Variants in SMARCD1 observed in about 807,000 individuals in gnomAD.
SMARCD1 encodes the protein SWI/SNF-related matrix-associated actin-dependent regulator of chromatin subfamily D member 1.
Under a neutral mutation model 70.8 loss-of-function variants are expected in SMARCD1, and 16 were observed. The ratio of observed to expected loss-of-function variants is 0.23; its 90% confidence interval spans 0.15 to 0.34. The LOEUF is 0.34. SMARCD1 is among the 10% of genes least tolerant of loss of function. SMARCD1 has a pLI of 1.00. For synonymous variants in SMARCD1, 249 were observed against 246.0 expected (o/e 1.01, Z -0.11); for missense variants, 409 against 655.5 (o/e 0.62, Z 4.11).
intron 2 of SMARCD1, 52 bp from the exon 3 acceptor site, chr12:50,086,569 C>T (rs1950793230): frequency 1.3e-6 from 2 of 1,571,368 alleles, no homozygotes; most frequent in African/African-American, 1.4e-5. Context: ...AGCTTATTTT[C>T]ACGTTCTGAC....
chr12:50,088,752 C>T lies in SMARCD1; in HGVS notation c.771+115C>T, dbSNP rs1592288155. ...ATAAAGTAGTCACTCTAGGTGTACACAGTACCGCTCCAGGTGTACAGTTTG... is the reference window on the plus strand; with the variant it reads ...ATAAAGTAGTCACTCTAGGTGTACATAGTACCGCTCCAGGTGTACAGTTTG... On this transcript the variant is annotated intron_variant, in intron 6 of 12. Transcript: ENST00000394963. 3.2e-5 allele frequency: 17 copies of T among 535,510 alleles called. No individual in the cohort carries two copies. The East Asian group carries it at 4.9e-4, about 15-fold the overall frequency. 33.2% of individuals were successfully genotyped at this position (535,510 alleles called of 1,614,324 possible).
At chr12:50,085,757 G>A (rs1455623473) in intron 1 of SMARCD1, 1 of 428,150 alleles carries the variant, frequency 2.3e-6, no homozygotes, top group African/African-American at 2.0e-5. Context: ...AGTCGGTAGA[G>A]AACCTGGGTG....
rs776730800 is a variant in SMARCD1 at position 50,098,835 on chromosome 12, G to A, written c.1494+20G>A. 9.3e-6 allele frequency: 15 copies of A among 1,609,496 alleles called. No individual in the cohort carries two copies. The highest frequency in any genetic ancestry group is 6.7e-5 in the African/African-American group (5 of 74,862). On this transcript the variant is annotated intron_variant, in intron 12 of 12. Transcript: ENST00000394963. Reference sequence around the variant, plus strand: ...TCCAAGGTAAGTACATGGGGTGCACGGGGGAAATTGACAAAAGGCACGGGG... The same window carrying A: ...TCCAAGGTAAGTACATGGGGTGCACAGGGGAAATTGACAAAAGGCACGGGG...
intron 11 of SMARCD1, chr12:50,098,375 T>G: frequency 3.1e-6 from 1 of 319,896 alleles, no homozygotes; most frequent in South Asian, 3.2e-5. Context: ...TGTGCATCTC[T>G]CAGCTTCTGG....
In SMARCD1 at chr12:50,089,950, G is replaced by T; in HGVS notation, c.838G>T (p.Val280Leu). The change falls in exon 7 of 13, where the codon GTA (valine) becomes TTA (leucine). Residue 280 changes from valine (V) to leucine (L), a missense_variant. Transcript: ENST00000394963. Reference protein sequence around the residue: ...FQVKRPGDVNVRCTVLLMLDY... With the variant: ...FQVKRPGDVNLRCTVLLMLDY... ...GGTGAAGCGGCCGGGAGACGTGAAT[G>T]TACGGTGTACTGTCCTACTGATGCT... The T allele has an allele frequency of 1.2e-6, 2 of 1,614,114 alleles. No individual in the cohort carries two copies. The highest frequency in any genetic ancestry group is 1.3e-5 in the African/African-American group (1 of 75,032).
At chr12:50,090,973 C>T (rs1250695861) in intron 9 of SMARCD1, among the ~76,000 whole-genome samples, 3 of 151,664 alleles carry the variant, frequency 2.0e-5, no homozygotes, top group Non-Finnish European at 4.4e-5. Flanking sequence ...TACAGGCACC[C>T]GTCACCACAC....
In SMARCD1 at chr12:50,099,575, C is replaced by T. The variant is rs886571864; in HGVS notation, c.*575C>T. On this transcript the variant is annotated 3_prime_UTR_variant, in exon 13 of 13. Transcript: ENST00000394963. ...CTCCACTGAGCCCCAGGTCAGTCCC[C>T]AGCCCTCTGGGTTGGCCTGCTGTCA... 10 of 371,354 alleles carry T rather than the reference C, an allele frequency of 2.7e-5. No homozygotes were observed. Among genetic ancestry groups the T allele is most frequent in the African/African-American group, 2.1e-4 (10 of 48,084 alleles). The allele number at this position is 371,354 out of a possible 1,614,324, so 23.0% of individuals were successfully genotyped here.
chr12:50,090,038 C>A, intron 7 of SMARCD1, 53 bp downstream of exon 7: 1 of 1,466,974 alleles, frequency 6.8e-7, no homozygotes, highest in Non-Finnish European at 9.6e-7. Flanking sequence ...ATACCGTCAG[C>A]AGTCTCACTT....
intron 9 of SMARCD1, 53 bp downstream of exon 9, chr12:50,090,643 T>C: frequency 1.5e-6 from 2 of 1,356,868 alleles, no homozygotes; most frequent in Non-Finnish European, 2.1e-6. Context: ...TGTGCCGATT[T>C]GCACAAGCCA....
intron 6 of SMARCD1, 41 bp from the exon 7 acceptor site, chr12:50,089,843 T>A: frequency 4.4e-5 from 55 of 1,260,054 alleles, no homozygotes; most frequent in Non-Finnish European, 6.0e-5. Context: ...ACCCCAGCTC[T>A]TCCTCTGGGA....
chr12:50,090,880 A>T (rs1950836686), intron 9 of SMARCD1, among the ~76,000 whole-genome samples: 1 of 119,034 alleles, frequency 8.4e-6, no homozygotes, highest in Non-Finnish European at 1.6e-5. Flanking sequence ...GCTGGAGTCC[A>T]GTGGCGCGAT....
Position 50,086,170 on chromosome 12 carries a change from A to C in SMARCD1, c.187A>C (p.Met63Leu). Reference protein sequence around the residue: ...MPGAAYPRPGMLPGSRMTPQG... With the variant: ...MPGAAYPRPGLLPGSRMTPQG... ...CCTCTCCCCTCTGTAGAGACCAGGT[A>C]TGTTGCCAGGCAGCCGAATGACACC... The change falls in exon 2 of 13, where the codon ATG (methionine) becomes CTG (leucine). Residue 63 changes from methionine to leucine, a missense_variant. Met to Leu is a conservative substitution (Grantham distance 15). Around this residue, in one of 2 missense-constraint regions of SMARCD1, gnomAD observed 140 missense variants for 156.9 expected, o/e 0.89. Transcript: ENST00000394963. 1 of 1,560,630 alleles carries C rather than the reference A, an allele frequency of 6.4e-7. No individual in the cohort carries two copies. Among genetic ancestry groups the C allele is most frequent in the Non-Finnish European group, 8.7e-7 (1 of 1,149,894 alleles).
At chr12:50,086,138 T>G in intron 1 of SMARCD1, 23 bp from the exon 2 acceptor site, 2 of 1,469,458 alleles carry the variant, frequency 1.4e-6, no homozygotes, top group Non-Finnish European at 1.8e-6. Context: ...CCATGACATC[T>G]CTGGGTCCTC....
chr12:50,097,036 T>C lies in SMARCD1; in HGVS notation c.1392+64T>C, dbSNP rs144367577. The stretch of plus-strand genomic sequence containing the variant: ...GTGAGGTGCACAGCTGCTTTATTCA[T>C]GTAGCAGCTGGTAGGAGACCCAGAG... On this transcript the variant is annotated intron_variant, in intron 11 of 12. Transcript: ENST00000394963. 8.3e-5 allele frequency: 122 copies of C among 1,473,098 alleles called. No homozygotes were observed. The East Asian group carries it at 2.8e-3, about 33-fold the overall frequency. The allele number at this position is 1,473,098 out of a possible 1,614,324, so 91.3% of individuals were successfully genotyped here. A position where few individuals can be genotyped will look rare whatever the true frequency, so the allele number is the denominator to read the frequency against.
chr12:50,090,167 T>C (rs1297820242), intron 7 of SMARCD1, 74 bp from the exon 8 acceptor site: 1 of 1,454,274 alleles, frequency 6.9e-7, no homozygotes, highest in African/African-American at 1.4e-5. Flanking sequence ...CATTATTTGT[T>C]GAATAGCTTG....
Position 50,085,518 on chromosome 12 carries a change from G to A in SMARCD1, c.149G>A (p.Arg50His). ...MGPAPGQGLYRSPMPGAAYPR... is the reference protein window; with the variant it reads ...MGPAPGQGLYHSPMPGAAYPR... Reference sequence around the variant, plus strand: ...CCGGCTCCGGGTCAAGGGCTGTACCGCTCCCCGATGCCCGGAGCGGCCTAT... The same window carrying A: ...CCGGCTCCGGGTCAAGGGCTGTACCACTCCCCGATGCCCGGAGCGGCCTAT... Residue 50 changes from arginine (R) to histidine (H), a missense_variant, in exon 1 of 13, where the codon CGC (arginine) becomes CAC (histidine). Arg to His is a conservative substitution (Grantham distance 29, BLOSUM62 0). Around this residue, in one of 2 missense-constraint regions of SMARCD1, gnomAD observed 140 missense variants for 156.9 expected, o/e 0.89. Coordinates refer to ENST00000394963, the MANE Select transcript of SMARCD1 (RefSeq NM_003076.5). 8.1e-7 allele frequency: 1 copy of A among 1,236,286 alleles called. No homozygotes were observed. The highest frequency in any genetic ancestry group is 1.0e-6 in the Non-Finnish European group (1 of 989,676). The allele number at this position is 1,236,286 out of a possible 1,614,324, so 76.6% of individuals were successfully genotyped here.
At chr12:50,090,168 G>T (rs576706519) in intron 7 of SMARCD1, 73 bp from the exon 8 acceptor site, 1 of 1,455,412 alleles carries the variant, frequency 6.9e-7, no homozygotes, top group African/African-American at 1.4e-5. Flanking sequence ...ATTATTTGTT[G>T]AATAGCTTGA....
intron 4 of SMARCD1, 32 bp from the exon 5 acceptor site, chr12:50,087,331 C>A: frequency 6.2e-7 from 1 of 1,609,984 alleles, no homozygotes; most frequent in South Asian, 1.1e-5. Flanking sequence ...CCACTGAAGC[C>A]CCACGATCAA....
At position 50,086,395 on chromosome 12, in the gene SMARCD1, G is replaced by T. The variant is rs549431587; in HGVS notation, c.365+47G>T. 4.2e-6 allele frequency: 6 copies of T among 1,427,458 alleles called. No individual in the cohort carries two copies. The South Asian group carries it at 7.7e-5, about 18-fold the overall frequency. The allele number at this position is 1,427,458 out of a possible 1,614,324, so 88.4% of individuals were successfully genotyped here. A position where few individuals can be genotyped will look rare whatever the true frequency, so the allele number is the denominator to read the frequency against. ...GGGAGGGAGGGAGGGAGCCTGGGAG[G>T]ACACAGGTGGTGGGAGTACCTGAAC... is the stretch of plus-strand genomic sequence containing the variant. On this transcript the variant is annotated intron_variant, in intron 2 of 12. Transcript: ENST00000394963.
Sources: gnomAD v4.1 joint callset for allele counts (sites outside exome capture counted in the v4.1 genomes callset) on GRCh38, gnomAD v4.1.1 for gene constraint, gnomAD v4.1.1 regional missense constraint, MANE v1.5 for transcripts, NCBI Gene and HGNC (gene_info 2026-07-23, HGNC 2026-07-21) for gene names.